ARHGAP15: variants seen among roughly 807,000 people sequenced by gnomAD.
The protein encoded by ARHGAP15 is Rho GTPase activating protein 15, also known as rho GTPase-activating protein 15.
ARHGAP15 carries 51 observed loss-of-function variants against 63.7 expected under a neutral mutation model. That is an observed-to-expected ratio of 0.80 (90% CI 0.64 to 1.01). The LOEUF is 1.01. Among genes scored for constraint, ARHGAP15 ranks in the 50% least tolerant of loss-of-function variants. The probability of loss-of-function intolerance (pLI) is 0.00; values close to 1 mark genes in which losing one functional copy is unlikely to be tolerated. For synonymous variants in ARHGAP15, 191 were observed against 193.8 expected, an observed-to-expected ratio of 0.99 and a Z score of 0.12; for missense variants, 560 against 564.6, an observed-to-expected ratio of 0.99 and a Z score of 0.08.
chr2:143,354,809 G>A (rs1685738287), intron 6 of ARHGAP15, among the ~76,000 whole-genome samples: 1 of 152,132 alleles, frequency 6.6e-6, no homozygotes, highest in Admixed American at 6.6e-5. Context: ...CAGTGCTTTT[G>A]TAATTAAATA....
chr2:143,728,059 C>T (rs1685361623), intron 13 of ARHGAP15, among the ~76,000 whole-genome samples: 1 of 152,154 alleles, frequency 6.6e-6, no homozygotes, highest in Non-Finnish European at 1.5e-5. Flanking sequence ...GCTAGGGCAG[C>T]CATAACACAA....
intron 2 of ARHGAP15, 65 bp downstream of exon 2, chr2:143,155,720 A>C (rs975397408): frequency 2.0e-5 from 29 of 1,460,502 alleles, no homozygotes; most frequent in Non-Finnish European, 2.6e-5. Context: ...AGGAAAAAAA[A>C]AAGCTAATTA....
chr2:143,482,317 C>A, intron 8 of ARHGAP15, among the ~76,000 whole-genome samples: 1 of 152,110 alleles, frequency 6.6e-6, no homozygotes, highest in East Asian at 1.9e-4. Context: ...GGAAGCTTCA[C>A]CCTCAAAAAG....
chr2:143,763,203 T>C (rs182309242), intron 13 of ARHGAP15, among the ~76,000 whole-genome samples: 85 of 152,262 alleles, frequency 5.6e-4, no homozygotes, highest in African/African-American at 2.0e-3. Flanking sequence ...GAGAGACATA[T>C]AATAATATAA....
intron 6 of ARHGAP15, among the ~76,000 whole-genome samples, chr2:143,313,079 G>A (rs2105195256): frequency 6.6e-6 from 1 of 152,184 alleles, no homozygotes; most frequent in South Asian, 2.1e-4. Context: ...GAATTTTCAA[G>A]TGGCTGGAAA....
At chr2:143,269,066 C>A (rs771442191) in intron 6 of ARHGAP15, among the ~76,000 whole-genome samples, 2 of 152,092 alleles carry the variant, frequency 1.3e-5, no homozygotes, top group Non-Finnish European at 2.9e-5. Flanking sequence ...CTATGGTTTG[C>A]ATGTTTCCTA....
intron 13 of ARHGAP15, among the ~76,000 whole-genome samples, chr2:143,725,745 A>T (rs1685244914): frequency 6.6e-6 from 1 of 152,232 alleles, no homozygotes; most frequent in African/African-American, 2.4e-5. Flanking sequence ...TTAATATAAC[A>T]AAACAAGGTC....
intron 11 of ARHGAP15, among the ~76,000 whole-genome samples, chr2:143,570,798 A>G (rs1462702362): frequency 6.6e-6 from 1 of 152,222 alleles, no homozygotes; most frequent in Non-Finnish European, 1.5e-5. Flanking sequence ...AAGAGAAGAT[A>G]TGTCTTGTTT....
chr2:143,273,373 G>A (rs568549467), intron 6 of ARHGAP15, among the ~76,000 whole-genome samples: 1 of 152,110 alleles, frequency 6.6e-6, no homozygotes, highest in East Asian at 1.9e-4. Context: ...AACTTATGAT[G>A]GGCTGACTTC....
At chr2:143,555,683 C>A (rs1479677237) in intron 10 of ARHGAP15, among the ~76,000 whole-genome samples, 1 of 152,074 alleles carries the variant, frequency 6.6e-6, no homozygotes, top group East Asian at 1.9e-4. Flanking sequence ...TAATCTGAAA[C>A]TCATTTTACC....
chr2:143,325,377 C>T (rs985301204), intron 6 of ARHGAP15, among the ~76,000 whole-genome samples: 2 of 152,088 alleles, frequency 1.3e-5, no homozygotes, highest in Non-Finnish European at 2.9e-5. Flanking sequence ...AGAGCCTCCT[C>T]CTCAACAAAA....
intron 12 of ARHGAP15, among the ~76,000 whole-genome samples, chr2:143,659,317 ATTACT>A (rs565519723): frequency 1.8e-4 from 27 of 152,286 alleles, no homozygotes; most frequent in East Asian, 1.5e-3. Flanking sequence ...GGACATGTTA[ATTACT>A]TTACTTGTGG....
At chr2:143,479,369 G>A (rs1049990779) in intron 8 of ARHGAP15, among the ~76,000 whole-genome samples, 1 of 149,858 alleles carries the variant, frequency 6.7e-6, no homozygotes, top group Non-Finnish European at 1.5e-5. Context: ...ATGGACTGAT[G>A]TTCACATTTA....
chr2:143,396,659 A>AATGGTTTC lies in ARHGAP15; in HGVS notation c.475-38938_475-38931dup, dbSNP rs1687775704. Among the ~76,000 whole-genome samples the AATGGTTTC allele has an allele frequency of 2.6e-5, 4 of 151,832 alleles. No homozygotes were observed. The East Asian group carries it at 7.7e-4, about 29-fold the overall frequency. ...CTAAACGGGTATCTCCAGCTTCCTG[A>AATGGTTTC]ATGGTTTCATGAACTTCATGCTAAG... On this transcript the variant is annotated intron_variant, in intron 6 of 13. Coordinates refer to ENST00000295095, the MANE Select transcript of ARHGAP15 (RefSeq NM_018460.4).
intron 13 of ARHGAP15, among the ~76,000 whole-genome samples, chr2:143,717,659 T>C (rs1684867708): frequency 6.6e-6 from 1 of 152,370 alleles, no homozygotes; most frequent in Admixed American, 6.5e-5. Flanking sequence ...TTCTGGTCTG[T>C]ACACAAGACA....
intron 6 of ARHGAP15, among the ~76,000 whole-genome samples, chr2:143,320,107 T>C (rs1683937376): frequency 6.6e-6 from 1 of 152,210 alleles, no homozygotes; most frequent in Non-Finnish European, 1.5e-5. Context: ...ACCCAGTTCT[T>C]GGTAGGTAGA....
intron 2 of ARHGAP15, among the ~76,000 whole-genome samples, chr2:143,192,454 C>A (rs181273771): frequency 6.6e-6 from 1 of 152,246 alleles, no homozygotes; most frequent in Non-Finnish European, 1.5e-5. Context: ...ACATACCTTC[C>A]GGCACAGCTC....
At chr2:143,709,509 A>G (rs1309832765) in intron 13 of ARHGAP15, among the ~76,000 whole-genome samples, 3 of 152,158 alleles carry the variant, frequency 2.0e-5, no homozygotes, top group Non-Finnish European at 1.5e-5. Context: ...CATTGACTCT[A>G]AGGAAGTTGT....
chr2:143,374,909 T>C (rs191534529), intron 6 of ARHGAP15, among the ~76,000 whole-genome samples: 10 of 152,314 alleles, frequency 6.6e-5, no homozygotes, highest in African/African-American at 2.4e-4. Context: ...TTTAATGCTG[T>C]TAATACATGT....
Sources: gnomAD v4.1 joint callset for allele counts (sites outside exome capture counted in the v4.1 genomes callset) on GRCh38, gnomAD v4.1.1 for gene constraint, MANE v1.5 for transcripts, NCBI Gene and HGNC (gene_info 2026-07-23, HGNC 2026-07-21) for gene names.